The following MICU1 variants were observed in gnomAD, a reference collection of about 807,000 sequenced individuals.
MICU1 encodes mitochondrial calcium uptake 1.
MICU1 carries 45 observed loss-of-function variants against 56.8 expected under a neutral mutation model. The observed-to-expected ratio is 0.79, with a 90% CI of 0.62 to 1.02. The LOEUF is 1.02. Ranked by LOEUF, MICU1 falls within the 50% of genes least tolerant of loss-of-function variation. The pLI is 0.00. For synonymous variants in MICU1, 186 were observed against 195.1 expected (o/e 0.95, Z 0.39); for missense variants, 504 against 587.1 (o/e 0.86, Z 1.46).
intron 10 of MICU1, among the ~76,000 whole-genome samples, chr10:72,402,275 C>T (rs1373620188): frequency 1.3e-5 from 2 of 152,126 alleles, no homozygotes; most frequent in Non-Finnish European, 2.9e-5. Flanking sequence ...ACCCTGTCCC[C>T]GATTCCATGG....
At chr10:72,623,300 C>CAAAAAAAAAAAAAAAAA (rs1164753291) in intron 1 of MICU1, among the ~76,000 whole-genome samples, 3 of 55,914 alleles carry the variant, frequency 5.4e-5, no homozygotes, top group African/African-American at 1.6e-4. Flanking sequence ...GACTCCGTCT[C>CAAAAAAAAAAAAAAAAA]AAAAAAAAAA....
At chr10:72,584,619 G>A (rs1032831675) in intron 1 of MICU1, among the ~76,000 whole-genome samples, 1 of 151,438 alleles carries the variant, frequency 6.6e-6, no homozygotes, top group African/African-American at 2.4e-5. Context: ...GTGGTGCAAT[G>A]ATGGCTCACT....
intron 4 of MICU1, among the ~76,000 whole-genome samples, chr10:72,536,023 A>G (rs1839623796): frequency 6.6e-6 from 1 of 152,186 alleles, no homozygotes; most frequent in African/African-American, 2.4e-5. Context: ...TCATATAAGT[A>G]GAAAGTAGAA....
chr10:72,512,387 G>A (rs973502682), intron 5 of MICU1, among the ~76,000 whole-genome samples: 4 of 151,950 alleles, frequency 2.6e-5, no homozygotes, highest in East Asian at 1.9e-4. Flanking sequence ...GATTACAGGC[G>A]TGAGCCACCA....
At chr10:72,520,890 T>G (rs1406235643) in intron 5 of MICU1, among the ~76,000 whole-genome samples, 2 of 152,098 alleles carry the variant, frequency 1.3e-5, no homozygotes, top group East Asian at 3.8e-4. Context: ...GAGAAAATCT[T>G]CAACTCTACC....
chr10:72,416,221 A>C (rs1229764127), intron 9 of MICU1, among the ~76,000 whole-genome samples: 1 of 152,186 alleles, frequency 6.6e-6, no homozygotes, highest in Admixed American at 6.5e-5. Context: ...TAATAGAGGG[A>C]AAACTCATAA....
chr10:72,370,034 G>A (rs1862279373), intron 11 of MICU1, among the ~76,000 whole-genome samples: 1 of 152,010 alleles, frequency 6.6e-6, no homozygotes, highest in Non-Finnish European at 1.5e-5. Context: ...CCGCCATCAT[G>A]CCCAGCTAAT....
chr10:72,520,441 A>G lies in MICU1; in HGVS notation c.538-12172T>C, dbSNP rs572619656. Among the ~76,000 whole-genome samples the G allele has an allele frequency of 2.2e-3, 330 of 152,302 alleles. 2 individuals are homozygous for G. The highest frequency in any genetic ancestry group is 6.8e-3 in the Middle Eastern group (2 of 294). On this transcript the variant is annotated intron_variant, in intron 5 of 11. Transcript: ENST00000361114. ...ATAACAATGAAATCAAAATGTTTCT[A>G]ATTTGAAGTAGTTTATGATTCCTCC...
At chr10:72,457,166 T>C (rs929150095) in intron 8 of MICU1, among the ~76,000 whole-genome samples, 1 of 151,726 alleles carries the variant, frequency 6.6e-6, no homozygotes, top group South Asian at 2.1e-4. Flanking sequence ...AATACAGTTG[T>C]AGAGCTCTAA....
intron 6 of MICU1, among the ~76,000 whole-genome samples, chr10:72,500,277 TA>T (rs1866994686): frequency 5.6e-4 from 5 of 8,974 alleles, no homozygotes; most frequent in East Asian, 1.9e-3. Context: ...TATATATATA[TA>T]TATATATATA....
intron 6 of MICU1, among the ~76,000 whole-genome samples, chr10:72,498,804 G>A (rs978223359): frequency 2.0e-5 from 3 of 152,028 alleles, no homozygotes; most frequent in East Asian, 1.9e-4. Flanking sequence ...TTCAAGAGAG[G>A]ACAAAATTTA....
intron 6 of MICU1, among the ~76,000 whole-genome samples, chr10:72,496,303 T>C (rs1866842817): frequency 6.7e-6 from 1 of 149,836 alleles, no homozygotes; most frequent in African/African-American, 2.5e-5. Context: ...CTAATTCCTT[T>C]TTTTTTTTTT....
chr10:72,566,366 A>T (rs1373727030), intron 2 of MICU1, among the ~76,000 whole-genome samples: 1 of 152,112 alleles, frequency 6.6e-6, no homozygotes, highest in South Asian at 2.1e-4. Flanking sequence ...CATTTTCTAA[A>T]GCTGCTATTG....
intron 1 of MICU1, among the ~76,000 whole-genome samples, chr10:72,615,984 G>A (rs751428285): frequency 5.9e-5 from 9 of 151,524 alleles, no homozygotes; most frequent in South Asian, 4.2e-4. Context: ...GCGAGACTCC[G>A]TCTCAAAAAA....
chr10:72,554,169 A>G (rs560280286), intron 3 of MICU1, among the ~76,000 whole-genome samples: 1 of 152,352 alleles, frequency 6.6e-6, no homozygotes, highest in East Asian at 1.9e-4. Context: ...AGAATTTATA[A>G]CCAAATAGCA....
chr10:72,502,315 C>T (rs1326092835), intron 6 of MICU1, among the ~76,000 whole-genome samples: 3 of 151,936 alleles, frequency 2.0e-5, no homozygotes, highest in Admixed American at 6.6e-5. Flanking sequence ...CCACCATGCC[C>T]GGCTAATTTT....
chr10:72,571,166 C>G (rs1247895052), intron 1 of MICU1, among the ~76,000 whole-genome samples: 2 of 152,158 alleles, frequency 1.3e-5, no homozygotes, highest in African/African-American at 4.8e-5. Flanking sequence ...GAGTTCGAGA[C>G]CAGCCTGGCC....
At chr10:72,433,858 T>A (rs1244660690) in intron 8 of MICU1, among the ~76,000 whole-genome samples, 1 of 152,242 alleles carries the variant, frequency 6.6e-6, no homozygotes, top group Non-Finnish European at 1.5e-5. Flanking sequence ...TATTCCTCAA[T>A]ATCAATCAAT....
chr10:72,546,748 C>T (rs1264315746), intron 4 of MICU1, among the ~76,000 whole-genome samples: 2 of 152,142 alleles, frequency 1.3e-5, no homozygotes, highest in Non-Finnish European at 2.9e-5. Flanking sequence ...ATTATTGAGA[C>T]AGGGTCTCAC....
Sources: allele counts gnomAD v4.1 joint callset (sites outside exome capture counted in the v4.1 genomes callset), GRCh38; gene constraint gnomAD v4.1.1; transcripts MANE v1.5; gene names NCBI Gene and HGNC (gene_info 2026-07-23, HGNC 2026-07-21).